CCDC81: variants seen among roughly 807,000 people sequenced by gnomAD.
The protein encoded by CCDC81 is coiled-coil domain containing 81.
CCDC81 carries 79 observed loss-of-function variants against 83.7 expected under a neutral mutation model. The observed-to-expected ratio is 0.94, with a 90% CI of 0.79 to 1.14. The LOEUF (loss-of-function observed/expected upper bound fraction) is 1.14, where lower values mean the gene tolerates loss of function less well. Among genes scored for constraint, CCDC81 ranks in the 50% most tolerant of loss-of-function variants. The pLI is 0.00. For missense variants in CCDC81, 791 were observed against 778.1 expected (o/e 1.02, Z -0.20); for synonymous variants, 252 against 278.1 (o/e 0.91, Z 0.93).
At chr11:86,377,711 T>C (rs1948116414) in intron 1 of CCDC81, among the ~76,000 whole-genome samples, 1 of 152,186 alleles carries the variant, frequency 6.6e-6, no homozygotes, top group Non-Finnish European at 1.5e-5. Context: ...TTTCCCAGTC[T>C]GTGGCTTGTC....
intron 7 of CCDC81, among the ~76,000 whole-genome samples, chr11:86,404,210 T>A (rs973965737): frequency 2.0e-5 from 3 of 152,196 alleles, no homozygotes; most frequent in Non-Finnish European, 4.4e-5. Context: ...CCACCCCAGA[T>A]TTTGAGGCCT....
intron 7 of CCDC81, among the ~76,000 whole-genome samples, chr11:86,405,952 A>T (rs1948560345): frequency 6.6e-6 from 1 of 152,012 alleles, no homozygotes; most frequent in Non-Finnish European, 1.5e-5. Flanking sequence ...TAGCGGAGAC[A>T]GGGTTTCACC....
intron 7 of CCDC81, among the ~76,000 whole-genome samples, chr11:86,401,693 G>C (rs4944572): frequency 0.48 from 72,151 of 151,802 alleles, 17,438 homozygotes; most frequent in Middle Eastern, 0.52. Flanking sequence ...AACTTACAGT[G>C]TTGCAGGAAG....
At chr11:86,403,013 ATTTT>A (rs545083032) in intron 7 of CCDC81, among the ~76,000 whole-genome samples, 29 of 112,484 alleles carry the variant, frequency 2.6e-4, no homozygotes, top group South Asian at 1.2e-3. Context: ...TAATTTTTTG[ATTTT>A]TTTTTTTTTT....
At chr11:86,378,982 T>C (rs1224324813) in intron 1 of CCDC81, among the ~76,000 whole-genome samples, 3 of 152,206 alleles carry the variant, frequency 2.0e-5, no homozygotes, top group Non-Finnish European at 2.9e-5. Flanking sequence ...TATAGCTAGA[T>C]TAATACCTAC....
intron 6 of CCDC81, among the ~76,000 whole-genome samples, chr11:86,399,075 C>T (rs371054200): frequency 1.1e-4 from 16 of 152,298 alleles, no homozygotes; most frequent in Admixed American, 5.9e-4. Flanking sequence ...GAGATCCTGA[C>T]TTTAATGTAA....
At chr11:86,412,834 G>T (rs889967440) in intron 11 of CCDC81, among the ~76,000 whole-genome samples, 1 of 152,160 alleles carries the variant, frequency 6.6e-6, no homozygotes, top group African/African-American at 2.4e-5. Context: ...CTGGCCACAC[G>T]GCAGTATCTA....
chr11:86,422,181 G>A (rs112115205), intron 14 of CCDC81, among the ~76,000 whole-genome samples: 4 of 152,290 alleles, frequency 2.6e-5, no homozygotes, highest in African/African-American at 9.6e-5. Context: ...GCAACTTAAT[G>A]GTTGATCTGC....
intron 1 of CCDC81, among the ~76,000 whole-genome samples, chr11:86,375,813 A>G (rs1948091350): frequency 6.6e-6 from 1 of 152,210 alleles, no homozygotes; most frequent in African/African-American, 2.4e-5. Flanking sequence ...CCCCAAAGTG[A>G]GGCTGAGATC....
chr11:86,415,402 C>T (rs1038316331), intron 13 of CCDC81, 89 bp downstream of exon 13: 1 of 952,984 alleles, frequency 1.0e-6, no homozygotes, highest in African/African-American at 1.6e-5. Flanking sequence ...CCCTGCCCCT[C>T]ATCTTTCTCA....
chr11:86,408,152 G>C lies in CCDC81; in HGVS notation c.995G>C (p.Arg332Pro). The C allele has an allele frequency of 6.2e-7, 1 of 1,613,372 alleles. No homozygotes were observed. Among genetic ancestry groups the C allele is most frequent in the Non-Finnish European group, 8.5e-7 (1 of 1,179,844 alleles). ...GQEMCYVCLQ[R>P]AQRNSLLYYS... Reference sequence around the variant, plus strand: ...GAAATGTGCTATGTATGTTTGCAACGAGCACAACGAAATTCCCTGTTGTAC... The same window carrying C: ...GAAATGTGCTATGTATGTTTGCAACCAGCACAACGAAATTCCCTGTTGTAC... The change falls in exon 9 of 15, where the codon CGA (arginine) becomes CCA (proline). Residue 332 changes from arginine to proline, a missense_variant. Coordinates refer to ENST00000445632, the MANE Select transcript of CCDC81 (RefSeq NM_001156474.2).
intron 14 of CCDC81, among the ~76,000 whole-genome samples, chr11:86,420,859 G>A (rs1948779962): frequency 6.6e-6 from 1 of 152,182 alleles, no homozygotes; most frequent in South Asian, 2.1e-4. Context: ...GGTTCCAAAG[G>A]AGAAGTGGAC....
chr11:86,412,805 A>T (rs988797257), intron 11 of CCDC81, among the ~76,000 whole-genome samples: 4 of 152,086 alleles, frequency 2.6e-5, no homozygotes, highest in African/African-American at 9.7e-5. Flanking sequence ...GAGCATACAG[A>T]TGGGCAGGCT....
intron 12 of CCDC81, 107 bp downstream of exon 12, chr11:86,414,974 G>GTTT (rs200442159): frequency 4.9e-6 from 7 of 1,421,182 alleles, no homozygotes; most frequent in Non-Finnish European, 5.8e-6. Context: ...GCATTTGGTA[G>GTTT]TTTTTGTGCC....
chr11:86,383,128 G>C (rs904921088), intron 1 of CCDC81, among the ~76,000 whole-genome samples: 3 of 152,162 alleles, frequency 2.0e-5, no homozygotes, highest in African/African-American at 7.2e-5. Context: ...TTAATATTAT[G>C]TAATTATAGT....
chr11:86,386,980 T>G (rs1344056170), intron 2 of CCDC81, among the ~76,000 whole-genome samples: 1 of 152,188 alleles, frequency 6.6e-6, no homozygotes, highest in Non-Finnish European at 1.5e-5. Flanking sequence ...TTTGTAGTTC[T>G]TGATGAATGA....
chr11:86,395,952 C>T (rs1948403836), intron 5 of CCDC81, among the ~76,000 whole-genome samples: 1 of 152,140 alleles, frequency 6.6e-6, no homozygotes, highest in African/African-American at 2.4e-5. Flanking sequence ...CTACCCTTGG[C>T]TCCTGGAAAT....
intron 3 of CCDC81, among the ~76,000 whole-genome samples, chr11:86,391,296 G>A (rs17149033): frequency 0.034 from 5,225 of 152,260 alleles, 150 homozygotes; most frequent in African/African-American, 0.077. Flanking sequence ...TGAAGCTCAG[G>A]TCTTGTTAAT....
chr11:86,408,727 C>G (rs887603251), intron 9 of CCDC81, among the ~76,000 whole-genome samples: 1 of 152,170 alleles, frequency 6.6e-6, no homozygotes, highest in African/African-American at 2.4e-5. Context: ...CTAAAACTTG[C>G]GTTGAAGTTT....
Sources: allele counts gnomAD v4.1 joint callset (sites outside exome capture counted in the v4.1 genomes callset), GRCh38; gene constraint gnomAD v4.1.1; transcripts MANE v1.5; gene names NCBI Gene and HGNC (gene_info 2026-07-23, HGNC 2026-07-21).